ENTPD6: variants seen among roughly 807,000 people sequenced by gnomAD.
The protein encoded by ENTPD6 is ectonucleoside triphosphate diphosphohydrolase 6, also known as CD39 antigen-like 2.
In ENTPD6, 46 loss-of-function variants were observed where a neutral mutation model predicts 61.5. That is an observed-to-expected ratio of 0.75 (90% CI 0.59 to 0.96). The LOEUF (loss-of-function observed/expected upper bound fraction) is 0.96, where lower values mean the gene tolerates loss of function less well. Among genes scored for constraint, ENTPD6 ranks in the 40% least tolerant of loss-of-function variants. The pLI, the probability that ENTPD6 is intolerant of heterozygous loss-of-function variation, is 0.00. For synonymous variants in ENTPD6, 252 were observed against 255.5 expected, an observed-to-expected ratio of 0.99 and a Z score of 0.13; for missense variants, 612 against 629.0, an observed-to-expected ratio of 0.97 and a Z score of 0.29.
intron 1 of ENTPD6, among the ~76,000 whole-genome samples, chr20:25,196,849 C>T (rs1000700927): frequency 6.6e-5 from 10 of 152,294 alleles, no homozygotes; most frequent in Admixed American, 1.3e-4. Flanking sequence ...CCTCCCCTTG[C>T]CTTGGAGAGA....
intron 10 of ENTPD6, among the ~76,000 whole-genome samples, chr20:25,220,468 C>T (rs1367216306): frequency 2.0e-5 from 3 of 152,040 alleles, no homozygotes; most frequent in Non-Finnish European, 4.4e-5. Context: ...TCCTGGGGGT[C>T]TGTGCACATG....
At position 25,217,462 on chromosome 20, in the gene ENTPD6, AAGACCAGCAGGAAACAT is replaced by A. The variant is rs777732171; in HGVS notation, c.799-37_799-21del. ...AGTGGGTGGAGGAGAATTTTCTAGA[AAGACCAGCAGGAAACAT>A]AGTTACCCTCGTTCTTCTCCAGGGC... is the stretch of plus-strand genomic sequence containing the variant. On this transcript the variant is annotated intron_variant, in intron 8 of 14. Transcript: ENST00000376652. 5 of 1,589,080 alleles carry A rather than the reference AAGACCAGCAGGAAACAT, an allele frequency of 3.1e-6. No homozygotes were observed. The South Asian group carries it at 5.5e-5, about 18-fold the overall frequency.
At chr20:25,204,955 T>G (rs978543748) in intron 1 of ENTPD6, among the ~76,000 whole-genome samples, 4 of 152,212 alleles carry the variant, frequency 2.6e-5, no homozygotes, top group African/African-American at 9.6e-5. Flanking sequence ...TTGTTTTTAG[T>G]GTTTCTCTGT....
intron 1 of ENTPD6, among the ~76,000 whole-genome samples, chr20:25,197,792 T>C (rs1331766442): frequency 6.6e-6 from 1 of 152,250 alleles, no homozygotes; most frequent in Non-Finnish European, 1.5e-5. Flanking sequence ...CTCTTGCTTT[T>C]GTCTTCCTGA....
At chr20:25,210,094 C>A (rs372902741) in intron 4 of ENTPD6, among the ~76,000 whole-genome samples, 169 bp downstream of exon 4, 3 of 152,226 alleles carry the variant, frequency 2.0e-5, no homozygotes, top group Admixed American at 6.5e-5. Flanking sequence ...GTGCAGCGCG[C>A]GAGCCCAGAG....
At chr20:25,225,122 T>TGA (rs2092760030) in intron 13 of ENTPD6, 83 bp from the exon 14 acceptor site, 1 of 1,527,576 alleles carries the variant, frequency 6.5e-7, no homozygotes, top group Non-Finnish European at 8.8e-7. Context: ...GTGCCTGTAG[T>TGA]GGGTGGAATT....
At chr20:25,198,102 C>G (rs2090664618) in intron 1 of ENTPD6, among the ~76,000 whole-genome samples, 1 of 152,082 alleles carries the variant, frequency 6.6e-6, no homozygotes, top group Non-Finnish European at 1.5e-5. Flanking sequence ...TAAGGAGCAA[C>G]TTTGCCTCTA....
At chr20:25,217,458 T>C (rs2092376134) in intron 8 of ENTPD6, 44 bp from the exon 9 acceptor site, 4 of 1,580,386 alleles carry the variant, frequency 2.5e-6, no homozygotes, top group African/African-American at 1.3e-5. Flanking sequence ...GAGAATTTTC[T>C]AGAAAGACCA....
chr20:25,211,991 T>C (rs1487590737), intron 4 of ENTPD6, among the ~76,000 whole-genome samples: 1 of 152,156 alleles, frequency 6.6e-6, no homozygotes, highest in Non-Finnish European at 1.5e-5. Context: ...AAATGTTTTG[T>C]AGAGATGGAC....
At chr20:25,216,160 T>C (rs2092304055) in intron 7 of ENTPD6, among the ~76,000 whole-genome samples, 1 of 152,252 alleles carries the variant, frequency 6.6e-6, no homozygotes, top group African/African-American at 2.4e-5. Context: ...TTTTTCTTAG[T>C]GCATGTGGAT....
intron 2 of ENTPD6, 103 bp downstream of exon 2, chr20:25,206,693 C>G: frequency 1.2e-6 from 1 of 868,100 alleles, no homozygotes; most frequent in South Asian, 1.4e-5. Context: ...AAGACTGAAT[C>G]AGATACGCGC....
At chr20:25,220,804 G>A (rs2092604446) in intron 10 of ENTPD6, among the ~76,000 whole-genome samples, 1 of 152,222 alleles carries the variant, frequency 6.6e-6, no homozygotes, top group Non-Finnish European at 1.5e-5. Context: ...CTGGTTTTGA[G>A]CCCCCAGCTT....
intron 1 of ENTPD6, 150 bp from the exon 2 acceptor site, chr20:25,206,372 C>T (rs898372241): frequency 3.1e-4 from 191 of 609,006 alleles, no homozygotes; most frequent in Non-Finnish European, 1.9e-4. Flanking sequence ...CATGCTGCCT[C>T]GCACTGGAGC....
chr20:25,218,745 T>C lies in ENTPD6; in HGVS notation c.943+131T>C, dbSNP rs970673642. 5.4e-6 allele frequency: 5 copies of C among 927,974 alleles called. No individual in the cohort carries two copies. The African/African-American group carries it at 6.7e-5, about 12-fold the overall frequency. 57.5% of individuals were successfully genotyped at this position (927,974 alleles called of 1,614,324 possible). The stretch of plus-strand genomic sequence containing the variant: ...GGTCCCTCTGCCCCTCCCACCCCAC[T>C]GCTGTCCCGCTGCATGCTGGGCACC... On this transcript the variant is annotated intron_variant, in intron 10 of 14. Transcript: ENST00000376652.
In ENTPD6 at chr20:25,207,457, G is replaced by A. The variant is rs535121998; in HGVS notation, c.376+60G>A. ...CCTCCCCTGTGCTACAGTGTTGGCC[G>A]GGTCCCCTGCCACAGACTCACCTGG... On this transcript the variant is annotated intron_variant, in intron 3 of 14. Coordinates refer to ENST00000376652, the MANE Select transcript of ENTPD6 (RefSeq NM_001247.5). The A allele has an allele frequency of 3.1e-4, 442 of 1,438,992 alleles. 8 individuals are homozygous for A. The South Asian group carries it at 5.5e-3, about 18-fold the overall frequency. 89.1% of individuals were successfully genotyped at this position (1,438,992 alleles called of 1,614,324 possible).
chr20:25,214,685 A>G, intron 5 of ENTPD6, 182 bp from the exon 6 acceptor site: 1 of 594,596 alleles, frequency 1.7e-6, no homozygotes, highest in South Asian at 2.0e-5. Flanking sequence ...CATAAATTCT[A>G]AAGGATGAAG....
rs375534753 is a variant in ENTPD6, at chr20:25,225,603, G to A, written c.*6G>A. ...AGAAGAGTCCAGCCTCATAGTGGCC[G>A]AGCCATCCCTGTCCCCGTCAGCAGT... On this transcript the variant is annotated 3_prime_UTR_variant, in exon 15 of 15. Coordinates refer to ENST00000376652, the MANE Select transcript of ENTPD6 (RefSeq NM_001247.5). The A allele has an allele frequency of 1.3e-5, 21 of 1,611,318 alleles. No homozygotes were observed. The East Asian group carries it at 1.3e-4, about 10-fold the overall frequency.
At chr20:25,211,976 T>C (rs1397423496) in intron 4 of ENTPD6, among the ~76,000 whole-genome samples, 2 of 152,146 alleles carry the variant, frequency 1.3e-5, no homozygotes, top group African/African-American at 4.8e-5. Flanking sequence ...GCCCAGCTAA[T>C]GTTTAAATGT....
rs773322615 is a variant in ENTPD6, at chr20:25,217,567, G to A, written c.864G>A (p.Lys288=). The change falls in exon 9 of 15, where the codon AAG becomes AAA. Residue 288 remains lysine, a synonymous_variant. Transcript: ENST00000376652. ...TGCGGATGTTTAACAGGACCTACAA[G>A]CTCTATTCCTACAGGTCTGCTTTCG... ...TALRMFNRTY[K]LYSYSYLGLG... 3.7e-6 allele frequency: 6 copies of A among 1,614,122 alleles called. No homozygotes were observed. The East Asian group carries it at 1.3e-4, about 36-fold the overall frequency.
Sources: gnomAD v4.1 joint callset for allele counts (sites outside exome capture counted in the v4.1 genomes callset) on GRCh38, gnomAD v4.1.1 for gene constraint, MANE v1.5 for transcripts, NCBI Gene and HGNC (gene_info 2026-07-23, HGNC 2026-07-21) for gene names.